SMYD3: variants seen among roughly 807,000 people sequenced by gnomAD.
SMYD3 encodes the protein histone-lysine N-methyltransferase SMYD3.
Under a neutral mutation model 57.7 loss-of-function variants are expected in SMYD3, and 36 were observed. That is an observed-to-expected ratio of 0.62 (90% CI 0.48 to 0.82). SMYD3 has a LOEUF of 0.82. Ranked by LOEUF, SMYD3 falls within the 40% of genes least tolerant of loss-of-function variation. SMYD3 has a pLI of 0.00. For missense variants in SMYD3, 515 were observed against 538.8 expected, an observed-to-expected ratio of 0.96 and a Z score of 0.44; for synonymous variants, 211 against 195.0, an observed-to-expected ratio of 1.08 and a Z score of -0.68.
At chr1:246,307,181 G>C (rs1165598700) in intron 5 of SMYD3, among the ~76,000 whole-genome samples, 1 of 152,036 alleles carries the variant, frequency 6.6e-6, no homozygotes, top group Non-Finnish European at 1.5e-5. Context: ...TGCTGAATTT[G>C]TCCTTTTATA....
intron 1 of SMYD3, among the ~76,000 whole-genome samples, chr1:246,365,824 C>T (rs1268530017): frequency 6.6e-6 from 1 of 152,160 alleles, no homozygotes; most frequent in African/African-American, 2.4e-5. Context: ...TCGCCAAAAG[C>T]TGTCCAGCAT....
chr1:245,956,020 A>G, intron 5 of SMYD3: 1 of 985,422 alleles, frequency 1.0e-6, no homozygotes, highest in South Asian at 4.7e-5. Context: ...CTGTTTGTAA[A>G]TGCAAAAAAT....
intron 10 of SMYD3, among the ~76,000 whole-genome samples, chr1:245,801,229 G>C (rs2047845484): frequency 6.6e-6 from 1 of 152,202 alleles, no homozygotes; most frequent in Admixed American, 6.5e-5. Flanking sequence ...TTTTAAAAAT[G>C]TGTTTGATGC....
chr1:245,814,767 T>C (rs1301309660), intron 10 of SMYD3, among the ~76,000 whole-genome samples: 3 of 152,026 alleles, frequency 2.0e-5, no homozygotes, highest in Non-Finnish European at 4.4e-5. Flanking sequence ...TTCCCTTGGC[T>C]TCCAGATCCT....
chr1:246,333,135 G>A (rs1028792340), intron 3 of SMYD3, among the ~76,000 whole-genome samples: 3 of 152,116 alleles, frequency 2.0e-5, no homozygotes, highest in South Asian at 2.1e-4. Context: ...GTGGTAAATC[G>A]ACTTTGCCTA....
Position 246,117,810 on chromosome 1 carries a change from TACTTTAAAA to T in SMYD3, c.532-187882_532-187874del, listed in dbSNP as rs147356487. Among the ~76,000 whole-genome samples the T allele has an allele frequency of 9.3e-3, 1,415 of 152,324 alleles. 16 individuals carry two copies. Among genetic ancestry groups the T allele is most frequent in the African/African-American group, 0.032 (1,322 of 41,556 alleles). On this transcript the variant is annotated intron_variant, in intron 5 of 11. Transcript: ENST00000490107. Reference sequence around the variant, plus strand: ...GAATCTTTTATAGTAAAAACATAACTACTTTAAAAACTTGGTTCTTTCATTTCCGAAAAA... The same window carrying T: ...GAATCTTTTATAGTAAAAACATAACTACTTGGTTCTTTCATTTCCGAAAAA...
intron 1 of SMYD3, among the ~76,000 whole-genome samples, chr1:246,446,801 G>A (rs901020417): frequency 2.0e-5 from 3 of 151,868 alleles, no homozygotes; most frequent in African/African-American, 7.3e-5. Context: ...AGGCTGAGGT[G>A]GGCAGATCAC....
At chr1:246,491,402 T>C (rs1425482216) in intron 1 of SMYD3, among the ~76,000 whole-genome samples, 3 of 152,066 alleles carry the variant, frequency 2.0e-5, no homozygotes, top group African/African-American at 4.8e-5. Flanking sequence ...TAGCTAAGCA[T>C]GGTAGCGGAC....
At chr1:246,443,299 A>G (rs1337392403) in intron 1 of SMYD3, among the ~76,000 whole-genome samples, 4 of 152,200 alleles carry the variant, frequency 2.6e-5, no homozygotes, top group Non-Finnish European at 4.4e-5. Context: ...CGTTACATTC[A>G]CCAACTTACC....
intron 1 of SMYD3, among the ~76,000 whole-genome samples, chr1:246,461,025 G>T (rs2067789607): frequency 6.6e-6 from 1 of 152,234 alleles, no homozygotes; most frequent in South Asian, 2.1e-4. Flanking sequence ...CCATGAGGCA[G>T]AAGACAGCTG....
rs57740230 is a variant in SMYD3, at chr1:246,282,305, C to CAAAAAAAAAAAAAAA, written c.531+44881_531+44895dup. 7.9e-4 allele frequency among the ~76,000 whole-genome samples: 54 copies of CAAAAAAAAAAAAAAA among 67,928 alleles called. 2 individuals carry two copies. The highest frequency in any genetic ancestry group is 2.0e-3 in the Admixed American group (8 of 4,098). The allele number at this position is 67,928 out of a possible 152,430, so 44.6% of individuals were successfully genotyped here. On this transcript the variant is annotated intron_variant, in intron 5 of 11. Transcript: ENST00000490107. ...CAACATGGCAAGACCCTCATCTCTA[C>CAAAAAAAAAAAAAAA]AAAAAAAAAAAAAAAAAAAAAAAAA... is the stretch of plus-strand genomic sequence containing the variant.
chr1:246,409,667 T>G (rs1350809951), intron 1 of SMYD3, among the ~76,000 whole-genome samples: 2 of 152,166 alleles, frequency 1.3e-5, no homozygotes, highest in Admixed American at 1.3e-4. Context: ...GGGCTCTTTT[T>G]TGGTTCCATA....
intron 5 of SMYD3, among the ~76,000 whole-genome samples, chr1:246,241,341 TGA>T (rs1295318595): frequency 6.6e-6 from 1 of 152,236 alleles, no homozygotes; most frequent in Non-Finnish European, 1.5e-5. Flanking sequence ...CTGCATCTAT[TGA>T]GATAATCATA....
intron 2 of SMYD3, among the ~76,000 whole-genome samples, chr1:246,354,396 C>T (rs1030891797): frequency 1.3e-5 from 2 of 152,114 alleles, no homozygotes; most frequent in Non-Finnish European, 2.9e-5. Context: ...GGCATATATC[C>T]TTTCAACAAT....
Position 246,160,677 on chromosome 1 carries a change from C to T in SMYD3, c.531+166524G>A, listed in dbSNP as rs112233462. On this transcript the variant is annotated intron_variant, in intron 5 of 11. Transcript: ENST00000490107. ...TGAAGGTGGCTGCTGTCTAACCCCA[C>T]ATGACGTCTCTCATGATTTCCACAT... 1.6e-3 allele frequency among the ~76,000 whole-genome samples: 244 copies of T among 152,328 alleles called. 1 individual carries two copies. The highest frequency in any genetic ancestry group is 5.4e-3 in the African/African-American group (226 of 41,576).
intron 11 of SMYD3, among the ~76,000 whole-genome samples, chr1:245,761,645 T>C (rs1402141297): frequency 6.6e-6 from 1 of 152,230 alleles, no homozygotes; most frequent in Non-Finnish European, 1.5e-5. Context: ...AAGGGATTTC[T>C]GCACACTGAT....
chr1:246,484,664 A>G lies in SMYD3; in HGVS notation c.164+22390T>C, dbSNP rs558027824. ...CTAAACCATTGCACTAGTTACACCT[A>G]AAAACACATCACTTCAACCAAAATA... On this transcript the variant is annotated intron_variant, in intron 1 of 11. Coordinates refer to ENST00000490107, the MANE Select transcript of SMYD3 (RefSeq NM_001167740.2). 7.1e-4 allele frequency among the ~76,000 whole-genome samples: 6 copies of G among 8,474 alleles called. 2 individuals are homozygous for G. The highest frequency in any genetic ancestry group is 2.5e-3 in the Non-Finnish European group (2 of 804). 5.6% of individuals were successfully genotyped at this position (8,474 alleles called of 152,430 possible).
intron 6 of SMYD3, among the ~76,000 whole-genome samples, chr1:245,928,480 T>A (rs1471716065): frequency 6.6e-6 from 1 of 150,734 alleles, no homozygotes; most frequent in East Asian, 1.9e-4. Context: ...GAGACCAGCC[T>A]GATCAGCATG....
At chr1:245,946,509 G>A (rs1164738157) in intron 5 of SMYD3, among the ~76,000 whole-genome samples, 1 of 152,272 alleles carries the variant, frequency 6.6e-6, no homozygotes, top group East Asian at 1.9e-4. Context: ...AAGAAGCTAT[G>A]AGTACAGTAT....
Sources: allele counts gnomAD v4.1 joint callset (sites outside exome capture counted in the v4.1 genomes callset), GRCh38; gene constraint gnomAD v4.1.1; transcripts MANE v1.5; gene names NCBI Gene and HGNC (gene_info 2026-07-23, HGNC 2026-07-21).